INCENP: variants seen among roughly 807,000 people sequenced by gnomAD.
INCENP encodes the protein binds and activates aurora-B and -C in vivo and in vitro.
INCENP carries 43 observed loss-of-function variants against 107.3 expected under a neutral mutation model. The ratio of observed to expected loss-of-function variants is 0.40; its 90% CI spans 0.31 to 0.52. The LOEUF (loss-of-function observed/expected upper bound fraction) is 0.52. INCENP is among the 20% of genes least tolerant of loss of function. The probability of loss-of-function intolerance (pLI) is 0.53; values close to 1 mark genes in which losing one functional copy is unlikely to be tolerated. For synonymous variants in INCENP, 488 were observed against 494.4 expected (o/e 0.99, Z 0.17); for missense variants, 1,089 against 1,250.9 (o/e 0.87, Z 1.95).
chr11:62,136,505 C>T (rs1943997596), intron 4 of INCENP, among the ~76,000 whole-genome samples: 1 of 152,074 alleles, frequency 6.6e-6, no homozygotes. Context: ...CATAGCGAAA[C>T]CCTATCTCTA....
rs146623535 is a variant in INCENP at position 62,126,372 on chromosome 11, A to G, written c.-11-1779A>G. Among the ~76,000 whole-genome samples, 27 of 152,048 alleles carry G rather than the reference A, an allele frequency of 1.8e-4. No homozygotes were observed. In the East Asian group the frequency reaches 5.2e-3, roughly 29 times the overall value. On this transcript the variant is annotated intron_variant, in intron 1 of 18. Coordinates refer to ENST00000394818, the MANE Select transcript of INCENP (RefSeq NM_001040694.2). ...CACCACACACAGCTAATTTTTTTGT[A>G]TCTTTAGTAGAGACTGGGTTTCACC... is the stretch of plus-strand genomic sequence containing the variant.
In INCENP at chr11:62,153,042, C is replaced by T. The variant is rs1251242391; in HGVS notation, c.*1066C>T. 1 of 152,214 alleles carries T rather than the reference C, an allele frequency of 6.6e-6. No homozygotes were observed. Among genetic ancestry groups the T allele is most frequent in the Non-Finnish European group, 1.5e-5 (1 of 68,044 alleles). The allele number at this position is 152,214 out of a possible 1,614,324, so 9.4% of individuals were successfully genotyped here. A position where few individuals can be genotyped will look rare whatever the true frequency, so the allele number is the denominator to read the frequency against. ...ATTGTTGTCTCCAGTTGCTCTGCTC[C>T]GAGGGCAGTGTTAAGTTGTGCAGCA... On this transcript the variant is annotated 3_prime_UTR_variant, in exon 19 of 19. Transcript: ENST00000394818.
chr11:62,129,697 C>A, intron 3 of INCENP, 85 bp from the exon 4 acceptor site: 1 of 1,122,790 alleles, frequency 8.9e-7, no homozygotes, highest in Non-Finnish European at 1.3e-6. Flanking sequence ...TTATCATACT[C>A]TATCCAAGCT....
At chr11:62,141,163 G>C in intron 10 of INCENP, 119 bp downstream of exon 10, 1 of 1,375,168 alleles carries the variant, frequency 7.3e-7, no homozygotes, top group Non-Finnish European at 9.9e-7. Flanking sequence ...GTGTGGCCTG[G>C]CACTGTTAGG....
rs778533228 is a variant in INCENP, at chr11:62,130,041, G to A, written c.514G>A (p.Gly172Ser). 7.1e-5 allele frequency: 115 copies of A among 1,613,628 alleles called. No individual in the cohort carries two copies. Among genetic ancestry groups the A allele is most frequent in the Middle Eastern group, 3.3e-4 (2 of 6,084 alleles). ...CCAGCTGGTGCCTGTGGTGGAGATC[G>A]GCATCAGTGAGCGCCAGAATGCTGA... is the stretch of plus-strand genomic sequence containing the variant. ...QCQLVPVVEIGISERQNAEQH... is the reference protein window; with the variant it reads ...QCQLVPVVEISISERQNAEQH... The change falls in exon 4 of 19, where the codon GGC (glycine) becomes AGC (serine). Residue 172 changes from glycine (G) to serine (S), a missense_variant. Gly to Ser is a moderately conservative substitution (Grantham distance 56). Transcript: ENST00000394818.
chr11:62,147,104 G>T (rs1944268858), intron 15 of INCENP, among the ~76,000 whole-genome samples: 1 of 152,188 alleles, frequency 6.6e-6, no homozygotes, highest in Non-Finnish European at 1.5e-5. Context: ...TTAGGGCTTG[G>T]CTTGGTTCTG....
At position 62,141,015 on chromosome 11, in the gene INCENP, C is replaced by T. The variant is rs747966600; in HGVS notation, c.1564C>T (p.Arg522Cys). 31 of 1,613,894 alleles carry T rather than the reference C, an allele frequency of 1.9e-5. No individual in the cohort carries two copies. The highest frequency in any genetic ancestry group is 6.7e-5 in the East Asian group (3 of 44,862). Residue 522 changes from arginine to cysteine, a missense_variant, in exon 10 of 19, where the codon CGC becomes TGC. By Grantham distance (180) the Arg-to-Cys change is radical. Transcript: ENST00000394818. ...PRSVMKSFIK[R>C]NTPLRMDPKC... ...CAGCGTCATGAAGTCCTTTATTAAG[C>T]GCAACACTCCCCTGCGCATGGACCC...
intron 11 of INCENP, chr11:62,141,727 T>G: frequency 1.5e-6 from 1 of 658,818 alleles, no homozygotes; most frequent in East Asian, 2.6e-5. Flanking sequence ...TGCCCTTGAC[T>G]CTGCTCTTAG....
At chr11:62,138,652 C>T in intron 5 of INCENP, 61 bp from the exon 6 acceptor site, 1 of 1,535,746 alleles carries the variant, frequency 6.5e-7, no homozygotes, top group Non-Finnish European at 9.0e-7. Context: ...TAGAGGGACT[C>T]CCTAGGGGGA....
chr11:62,130,465 C>T lies in INCENP; in HGVS notation c.938C>T (p.Pro313Leu), dbSNP rs746543284. ...VRHSPIAPSSPSPQVLAQKYS... is the reference protein window; with the variant it reads ...VRHSPIAPSSLSPQVLAQKYS... ...CACAGCCCGATCGCCCCGTCTTCCCCGAGTCCCCAAGTCTTAGCCCAGAAG... is the reference window on the plus strand; with the variant it reads ...CACAGCCCGATCGCCCCGTCTTCCCTGAGTCCCCAAGTCTTAGCCCAGAAG... Residue 313 changes from proline (P) to leucine (L), a missense_variant, in exon 4 of 19, where the codon CCG (proline) becomes CTG (leucine). By Grantham distance (98) the Pro-to-Leu change is moderately conservative. Coordinates refer to ENST00000394818, the MANE Select transcript of INCENP (RefSeq NM_001040694.2). The T allele has an allele frequency of 3.5e-5, 56 of 1,613,978 alleles. No homozygotes were observed. The highest frequency in any genetic ancestry group is 1.0e-4 in the Admixed American group (6 of 60,014).
chr11:62,139,008 G>A lies in INCENP; in HGVS notation c.1291+3G>A. The A allele has an allele frequency of 6.2e-7, 1 of 1,604,688 alleles. No homozygotes were observed. Among genetic ancestry groups the A allele is most frequent in the African/African-American group, 1.3e-5 (1 of 74,854 alleles). On this transcript the variant is annotated splice_donor_region_variant and intron_variant, in intron 7 of 18. Coordinates refer to ENST00000394818, the MANE Select transcript of INCENP (RefSeq NM_001040694.2). Reference sequence around the variant, plus strand: ...AACACCCTCTGCAGGGCAGCAAGGTGAGGCTTCCTGACCTGCCGTGTGCAG... The same window carrying A: ...AACACCCTCTGCAGGGCAGCAAGGTAAGGCTTCCTGACCTGCCGTGTGCAG...
chr11:62,146,549 G>A (rs562149942), intron 14 of INCENP, 109 bp from the exon 15 acceptor site: 289 of 1,477,704 alleles, frequency 2.0e-4, no homozygotes, highest in Non-Finnish European at 2.4e-4. Flanking sequence ...TGGGTTGTCC[G>A]TGGTGGTGGC....
chr11:62,152,135 G>T lies in INCENP; in HGVS notation c.*159G>T, dbSNP rs1944389735. The T allele has an allele frequency of 3.5e-6, 2 of 569,480 alleles. No individual in the cohort carries two copies. Among genetic ancestry groups the T allele is most frequent in the Non-Finnish European group, 6.2e-6 (2 of 322,486 alleles). The allele number at this position is 569,480 out of a possible 1,614,324, so 35.3% of individuals were successfully genotyped here. On this transcript the variant is annotated 3_prime_UTR_variant, in exon 19 of 19. Coordinates refer to ENST00000394818, the MANE Select transcript of INCENP (RefSeq NM_001040694.2). ...GTCCTCTGTGCTGGGTGTTTCTGCT[G>T]CAGGTGGCAGGTGGCCCCAGGCCTG...
intron 17 of INCENP, among the ~76,000 whole-genome samples, chr11:62,149,604 C>T (rs1792890): frequency 2.6e-5 from 4 of 152,042 alleles, no homozygotes; most frequent in Non-Finnish European, 1.5e-5. Flanking sequence ...GATACAGAGT[C>T]GTGTGTGTTC....
intron 10 of INCENP, 114 bp from the exon 11 acceptor site, chr11:62,141,386 G>GC: frequency 7.4e-7 from 1 of 1,357,796 alleles, no homozygotes; most frequent in Non-Finnish European, 1.1e-6. Flanking sequence ...GGTGCTGCTG[G>GC]CAGGAGGGCA....
chr11:62,130,728 G>A, intron 4 of INCENP, 138 bp downstream of exon 4: 1 of 730,048 alleles, frequency 1.4e-6, no homozygotes, highest in Non-Finnish European at 2.2e-6. Flanking sequence ...GTGCTGTCCT[G>A]GGATGGTGGC....
Position 62,130,008 on chromosome 11 carries a change from A to T in INCENP, c.481A>T (p.Thr161Ser). The T allele has an allele frequency of 1.2e-6, 2 of 1,613,968 alleles. No individual in the cohort carries two copies. The highest frequency in any genetic ancestry group is 1.7e-6 in the Non-Finnish European group (2 of 1,180,002). The change falls in exon 4 of 19, where the codon ACC becomes TCC. Residue 161 changes from threonine (T) to serine (S), a missense_variant. Thr to Ser is a moderately conservative substitution (Grantham distance 58). Coordinates refer to ENST00000394818, the MANE Select transcript of INCENP (RefSeq NM_001040694.2). ...GACTAAGAAGCCCGAGGATAACCAC[A>T]CCCAGTGCCAGCTGGTGCCTGTGGT... Reference protein sequence around the residue: ...MLTKKPEDNHTQCQLVPVVEI... With the variant: ...MLTKKPEDNHSQCQLVPVVEI...
At chr11:62,148,023 A>ACATGTT (rs1234271788) in intron 15 of INCENP, among the ~76,000 whole-genome samples, 2 of 152,250 alleles carry the variant, frequency 1.3e-5, no homozygotes, top group African/African-American at 4.8e-5. Context: ...AGGTTAAATG[A>ACATGTT]CATGTTCAAA....
At chr11:62,148,440 A>G (rs1195526826) in intron 15 of INCENP, 36 bp from the exon 16 acceptor site, 3 of 1,575,108 alleles carry the variant, frequency 1.9e-6, no homozygotes, top group African/African-American at 2.7e-5. Context: ...CTGGGCCTCC[A>G]CTTCCTGTCC....
Sources: gnomAD v4.1 joint callset for allele counts (sites outside exome capture counted in the v4.1 genomes callset) on GRCh38, gnomAD v4.1.1 for gene constraint, MANE v1.5 for transcripts, NCBI Gene and HGNC (gene_info 2026-07-23, HGNC 2026-07-21) for gene names.